CLSTN2: variants seen among roughly 807,000 people sequenced by gnomAD.
The protein encoded by CLSTN2 is calsyntenin-2.
In CLSTN2, 48 loss-of-function variants were observed where a neutral mutation model predicts 101.2. The ratio of observed to expected loss-of-function variants is 0.47; its 90% CI spans 0.38 to 0.60. CLSTN2 has a LOEUF of 0.60. Ranked by LOEUF, CLSTN2 falls within the 20% of genes least tolerant of loss-of-function variation. CLSTN2 has a pLI of 0.00. For missense variants in CLSTN2, 1,160 were observed against 1,238.2 expected (o/e 0.94, Z 0.95); for synonymous variants, 481 against 463.6 (o/e 1.04, Z -0.48).
At position 140,118,384 on chromosome 3, in the gene CLSTN2, C is replaced by T. The variant is rs193125661; in HGVS notation, c.110-57567C>T. On this transcript the variant is annotated intron_variant, in intron 1 of 16. Transcript: ENST00000458420. ...CTGGGCAAGGAGAAATATGGAAAAA[C>T]TTCCCATTTCCAGAGACAATCAGTG... is the stretch of plus-strand genomic sequence containing the variant. 3.0e-3 allele frequency among the ~76,000 whole-genome samples: 462 copies of T among 152,322 alleles called. 2 individuals are homozygous for T. The highest frequency in any genetic ancestry group is 6.0e-3 in the Admixed American group (92 of 15,308).
chr3:140,409,023 T>A (rs1046445290), intron 4 of CLSTN2, among the ~76,000 whole-genome samples: 16 of 152,298 alleles, frequency 1.1e-4, no homozygotes, highest in African/African-American at 3.6e-4. Flanking sequence ...TGCAGCTGCA[T>A]GCATGTACAC....
chr3:140,504,639 G>A (rs1024524926), intron 8 of CLSTN2, among the ~76,000 whole-genome samples: 1 of 152,160 alleles, frequency 6.6e-6, no homozygotes, highest in Non-Finnish European at 1.5e-5. Flanking sequence ...AAACAAGGGA[G>A]GCCATTTATA....
intron 1 of CLSTN2, among the ~76,000 whole-genome samples, chr3:140,126,318 G>A (rs2009429068): frequency 6.6e-6 from 1 of 152,114 alleles, no homozygotes; most frequent in Non-Finnish European, 1.5e-5. Flanking sequence ...GTGATGGTAT[G>A]CTTCAAAAGA....
chr3:140,433,380 G>A (rs894238976), intron 5 of CLSTN2, among the ~76,000 whole-genome samples: 4 of 152,206 alleles, frequency 2.6e-5, no homozygotes, highest in Non-Finnish European at 5.9e-5. Context: ...AGGTTATGTA[G>A]AGAGGTGGAA....
intron 1 of CLSTN2, among the ~76,000 whole-genome samples, chr3:139,937,109 TG>T (rs560873154): frequency 2.5e-3 from 241 of 96,200 alleles, no homozygotes; most frequent in African/African-American, 8.6e-3. Context: ...TTTTGGGGGG[TG>T]GGGGGGAGGA....
intron 2 of CLSTN2, among the ~76,000 whole-genome samples, chr3:140,345,915 T>C (rs2087542072): frequency 6.6e-6 from 1 of 152,206 alleles, no homozygotes; most frequent in African/African-American, 2.4e-5. Flanking sequence ...TGAAGGTAAC[T>C]CAATTATCTG....
rs1292770497 is a variant in CLSTN2 at position 140,573,254 on chromosome 3, G to A, written c.*7001G>A. ...TTAAGGACGTTGCCAGGTTGCCGCA[G>A]CACTGCTCTGTTTGTTTGTAATGAG... is the stretch of plus-strand genomic sequence containing the variant. On this transcript the variant is annotated 3_prime_UTR_variant, in exon 17 of 17. Coordinates refer to ENST00000458420, the MANE Select transcript of CLSTN2 (RefSeq NM_022131.3). 1 of 152,226 alleles carries A rather than the reference G, an allele frequency of 6.6e-6. No homozygotes were observed. The highest frequency in any genetic ancestry group is 2.4e-5 in the African/African-American group (1 of 41,450). The allele number at this position is 152,226 out of a possible 1,614,324, so 9.4% of individuals were successfully genotyped here. A position where few individuals can be genotyped will look rare whatever the true frequency, so the allele number is the denominator to read the frequency against.
chr3:140,329,352 C>T (rs2087360480), intron 2 of CLSTN2, among the ~76,000 whole-genome samples: 1 of 152,216 alleles, frequency 6.6e-6, no homozygotes, highest in Non-Finnish European at 1.5e-5. Flanking sequence ...CGCCACTGCG[C>T]TCCATCCTGG....
intron 1 of CLSTN2, among the ~76,000 whole-genome samples, chr3:140,129,200 A>G (rs1275039638): frequency 6.6e-6 from 1 of 151,860 alleles, no homozygotes; most frequent in Non-Finnish European, 1.5e-5. Flanking sequence ...CAAACTAATT[A>G]TGGGCTCCTA....
At chr3:140,246,413 G>C (rs1559818112) in intron 2 of CLSTN2, among the ~76,000 whole-genome samples, 1 of 152,094 alleles carries the variant, frequency 6.6e-6, no homozygotes, top group Non-Finnish European at 1.5e-5. Flanking sequence ...AGGCCTTTCT[G>C]CTTCCCTTCC....
At chr3:140,257,583 T>G (rs1231752517) in intron 2 of CLSTN2, among the ~76,000 whole-genome samples, 3 of 151,942 alleles carry the variant, frequency 2.0e-5, no homozygotes, top group African/African-American at 7.3e-5. Context: ...TGTGTGTGTG[T>G]GTGTGTGTGT....
At chr3:140,164,712 G>A (rs933988844) in intron 1 of CLSTN2, among the ~76,000 whole-genome samples, 3 of 152,186 alleles carry the variant, frequency 2.0e-5, no homozygotes, top group Admixed American at 6.5e-5. Context: ...GTACCCCAGT[G>A]CACAATTTTT....
intron 1 of CLSTN2, among the ~76,000 whole-genome samples, chr3:140,126,006 G>A (rs1335637667): frequency 6.6e-6 from 1 of 152,132 alleles, no homozygotes; most frequent in Non-Finnish European, 1.5e-5. Flanking sequence ...TTATACTAGA[G>A]TGAATGAGAG....
chr3:140,127,416 A>G (rs767086797), intron 1 of CLSTN2, among the ~76,000 whole-genome samples: 5 of 152,188 alleles, frequency 3.3e-5, no homozygotes, highest in Non-Finnish European at 4.4e-5. Context: ...GTCTTAATAC[A>G]TTTTAGGTTT....
chr3:140,523,923 CT>C (rs1935085888), intron 8 of CLSTN2, among the ~76,000 whole-genome samples: 1 of 152,208 alleles, frequency 6.6e-6, no homozygotes, highest in Non-Finnish European at 1.5e-5. Context: ...TGTTCAAATC[CT>C]TTCTGTCTTG....
intron 2 of CLSTN2, among the ~76,000 whole-genome samples, chr3:140,213,339 A>G (rs2010881074): frequency 6.6e-6 from 1 of 152,224 alleles, no homozygotes; most frequent in African/African-American, 2.4e-5. Flanking sequence ...GGAAATATCC[A>G]GGACTAGGCA....
intron 1 of CLSTN2, among the ~76,000 whole-genome samples, chr3:140,127,649 G>A (rs1183718270): frequency 6.6e-6 from 1 of 152,130 alleles, no homozygotes. Flanking sequence ...AAACTTCCTA[G>A]TCAAAAAGTG....
chr3:139,959,893 T>C (rs563582484), intron 1 of CLSTN2, among the ~76,000 whole-genome samples: 1 of 152,270 alleles, frequency 6.6e-6, no homozygotes, highest in Admixed American at 6.5e-5. Flanking sequence ...CCAAAATGTC[T>C]TTGACTGAGC....
intron 1 of CLSTN2, among the ~76,000 whole-genome samples, chr3:140,032,901 C>A (rs116678224): frequency 0.01 from 1,565 of 152,288 alleles, 26 homozygotes; most frequent in African/African-American, 0.034. Context: ...TGTGAGCAAA[C>A]TGAAAAGTGC....
Sources: allele counts gnomAD v4.1 joint callset (sites outside exome capture counted in the v4.1 genomes callset), GRCh38; gene constraint gnomAD v4.1.1; transcripts MANE v1.5; gene names NCBI Gene and HGNC (gene_info 2026-07-23, HGNC 2026-07-21).